The following SESN3 variants were observed in gnomAD, a reference collection of about 807,000 sequenced individuals.
SESN3 encodes sestrin-3.
SESN3 carries 21 observed loss-of-function variants against 55.3 expected under a neutral mutation model. The observed-to-expected ratio is 0.38, with a 90% CI of 0.27 to 0.55. The LOEUF (loss-of-function observed/expected upper bound fraction) is 0.55, where lower values mean the gene tolerates loss of function less well. Ranked by LOEUF, SESN3 falls within the 20% of genes least tolerant of loss-of-function variation. The pLI is 0.76. For synonymous variants in SESN3, 181 were observed against 203.1 expected (o/e 0.89, Z 0.93); for missense variants, 408 against 604.3 (o/e 0.68, Z 3.41).
At chr11:95,220,688 C>T (rs1257338708) in intron 1 of SESN3, among the ~76,000 whole-genome samples, 6 of 150,504 alleles carry the variant, frequency 4.0e-5, no homozygotes, top group Non-Finnish European at 7.4e-5. Flanking sequence ...GTTTTATTTA[C>T]ACTTTATAAC....
intron 6 of SESN3, among the ~76,000 whole-genome samples, chr11:95,181,184 T>C (rs1860052411): frequency 6.6e-6 from 1 of 152,080 alleles, no homozygotes; most frequent in Non-Finnish European, 1.5e-5. Context: ...TATTACATAG[T>C]TGGTTCTTTA....
chr11:95,216,495 A>G (rs1860759162), intron 1 of SESN3, among the ~76,000 whole-genome samples: 1 of 152,224 alleles, frequency 6.6e-6, no homozygotes, highest in South Asian at 2.1e-4. Context: ...CTCTAAAATG[A>G]AAAATGAAAT....
intron 4 of SESN3, among the ~76,000 whole-genome samples, chr11:95,186,194 C>CTGTG (rs35466696): frequency 0.013 from 1,378 of 107,606 alleles, 30 homozygotes; most frequent in South Asian, 0.024. Context: ...CTATCTCTCA[C>CTGTG]TGTGTGTGTG....
chr11:95,216,021 T>C (rs960961488), intron 1 of SESN3, among the ~76,000 whole-genome samples: 1 of 145,616 alleles, frequency 6.9e-6, no homozygotes, highest in Non-Finnish European at 1.5e-5. Flanking sequence ...TGGCGTGAAC[T>C]CGGGAGGCGG....
rs577376315 is a variant in SESN3, at chr11:95,177,601, G to T, written c.1247+118C>A. 1.6e-5 allele frequency: 10 copies of T among 620,888 alleles called. No individual in the cohort carries two copies. In the African/African-American group the frequency reaches 2.0e-4, roughly 12 times the overall value. 38.5% of individuals were successfully genotyped at this position (620,888 alleles called of 1,614,324 possible). Reference sequence around the variant, plus strand: ...AAAATGAAATTAATTTTTAAAATCAGAAGTCTACATGTAATATTTTCTTCC... The same window carrying T: ...AAAATGAAATTAATTTTTAAAATCATAAGTCTACATGTAATATTTTCTTCC... On this transcript the variant is annotated intron_variant, in intron 8 of 9. Coordinates refer to ENST00000536441, the MANE Select transcript of SESN3 (RefSeq NM_144665.4).
chr11:95,184,775 GA>G (rs1379835691), intron 5 of SESN3, among the ~76,000 whole-genome samples, 181 bp from the exon 6 acceptor site: 6 of 151,778 alleles, frequency 4.0e-5, no homozygotes, highest in Admixed American at 3.9e-4. Flanking sequence ...TCAGAAGTAT[GA>G]TTTTTTTTTT....
At chr11:95,179,898 T>C (rs1049434708) in intron 6 of SESN3, among the ~76,000 whole-genome samples, 7 of 152,184 alleles carry the variant, frequency 4.6e-5, no homozygotes, top group African/African-American at 1.7e-4. Flanking sequence ...AAAACTGATT[T>C]CTGCATACTT....
rs1346383607 is a variant in SESN3, at chr11:95,170,462, A to G, written c.*2793T>C. ...ACACTTGCACATTTAAGTTTGGCAC[A>G]ATGTGAGCGCAAGGTGTAGATCAGC... On this transcript the variant is annotated 3_prime_UTR_variant, in exon 10 of 10. Coordinates refer to ENST00000536441, the MANE Select transcript of SESN3 (RefSeq NM_144665.4). 6.6e-6 allele frequency: 1 copy of G among 152,202 alleles called. No individual in the cohort carries two copies. Among genetic ancestry groups the G allele is most frequent in the African/African-American group, 2.4e-5 (1 of 41,468 alleles). 9.4% of individuals were successfully genotyped at this position (152,202 alleles called of 1,614,324 possible).
chr11:95,230,467 C>T lies in SESN3; in HGVS notation c.78+316G>A. On this transcript the variant is annotated intron_variant, in intron 1 of 9. Transcript: ENST00000536441. The surrounding 1 kb of genome is among the most constrained non-coding windows in gnomAD (Gnocchi z 4.6). ...GATCGAACGGATCCCTCCCGCCCTC[C>T]GCCCAAGGAGCCGACCCGGGGTAGC... 1 of 328,204 alleles carries T rather than the reference C, an allele frequency of 3.0e-6. No individual in the cohort carries two copies. Among genetic ancestry groups the T allele is most frequent in the South Asian group, 3.1e-5 (1 of 31,764 alleles). 20.3% of individuals were successfully genotyped at this position (328,204 alleles called of 1,614,324 possible).
rs1055352427 is a variant in SESN3 at position 95,174,795 on chromosome 11, G to A, written c.1392+703C>T. Among the ~76,000 whole-genome samples, 3 of 151,892 alleles carry A rather than the reference G, an allele frequency of 2.0e-5. No individual in the cohort carries two copies. In the East Asian group the frequency reaches 5.8e-4, roughly 29 times the overall value. On this transcript the variant is annotated intron_variant, in intron 9 of 9. Coordinates refer to ENST00000536441, the MANE Select transcript of SESN3 (RefSeq NM_144665.4). ...AGCCACTGCACCCAGCCACTATCTG[G>A]GTTTTTAAAATATTTTTTTAATTCA...
intron 1 of SESN3, among the ~76,000 whole-genome samples, chr11:95,229,994 A>G (rs1230527226): frequency 1.3e-5 from 2 of 152,110 alleles, no homozygotes; most frequent in Non-Finnish European, 2.9e-5. Flanking sequence ...GGGGCGATTA[A>G]GCCAAGTAAG....
chr11:95,179,674 G>A (rs147262033), intron 6 of SESN3, among the ~76,000 whole-genome samples: 1 of 152,204 alleles, frequency 6.6e-6, no homozygotes, highest in Non-Finnish European at 1.5e-5. Flanking sequence ...TTTTGATGTC[G>A]TTATCATTAT....
At chr11:95,197,364 C>T (rs1860379898) in intron 1 of SESN3, among the ~76,000 whole-genome samples, 1 of 151,956 alleles carries the variant, frequency 6.6e-6, no homozygotes. Flanking sequence ...CTATGTAATC[C>T]CCTGCTTTCT....
rs1282369690 is a variant in SESN3, at chr11:95,230,539, A to G, written c.78+244T>C. ...AAGGAGAGCAAAGGCACCAAATAAA[A>G]GGAACAAGGGAAGAAAAAATATCCC... On this transcript the variant is annotated intron_variant, in intron 1 of 9. Coordinates refer to ENST00000536441, the MANE Select transcript of SESN3 (RefSeq NM_144665.4). The surrounding 1 kb of genome is among the most constrained non-coding windows in gnomAD (Gnocchi z 4.6). 2 of 497,342 alleles carry G rather than the reference A, an allele frequency of 4.0e-6. No individual in the cohort carries two copies. The highest frequency in any genetic ancestry group is 7.1e-6 in the Non-Finnish European group (2 of 281,752). The allele number at this position is 497,342 out of a possible 1,614,324, so 30.8% of individuals were successfully genotyped here. A position where few individuals can be genotyped will look rare whatever the true frequency, so the allele number is the denominator to read the frequency against.
intron 1 of SESN3, among the ~76,000 whole-genome samples, chr11:95,198,251 G>T (rs1441253910): frequency 6.6e-6 from 1 of 151,770 alleles, no homozygotes; most frequent in Non-Finnish European, 1.5e-5. Flanking sequence ...CCCCATTGTT[G>T]GGAAGCTTTG....
In SESN3 at chr11:95,178,846, C is replaced by T; in HGVS notation, c.938-18G>A. 1 of 1,386,298 alleles carries T rather than the reference C, an allele frequency of 7.2e-7. No homozygotes were observed. Among genetic ancestry groups the T allele is most frequent in the Non-Finnish European group, 1.0e-6 (1 of 973,238 alleles). The allele number at this position is 1,386,298 out of a possible 1,614,324, so 85.9% of individuals were successfully genotyped here. A position where few individuals can be genotyped will look rare whatever the true frequency, so the allele number is the denominator to read the frequency against. ...CTCAAAATCTAAGGACAATAATGAACAATCTAGTGTTAAGGATACTGTACG... is the reference window on the plus strand; with the variant it reads ...CTCAAAATCTAAGGACAATAATGAATAATCTAGTGTTAAGGATACTGTACG... On this transcript the variant is annotated intron_variant, in intron 6 of 9. Transcript: ENST00000536441.
In SESN3 at chr11:95,193,498, G is replaced by A. The variant is rs766165520; in HGVS notation, c.103C>T (p.Pro35Ser). 1.0e-4 allele frequency: 166 copies of A among 1,593,968 alleles called. No individual in the cohort carries two copies. The highest frequency in any genetic ancestry group is 1.3e-4 in the Non-Finnish European group (149 of 1,163,200). ...RKDKRIRVSQ[P>S]LTRGPSAFIP... ...AAGGCACTTGGTCCTCTTGTCAAGG[G>A]TTGAGACACTCTGATTCTTTTATCC... Residue 35 changes from proline to serine, a missense_variant, in exon 2 of 10, where the codon CCC becomes TCC. Transcript: ENST00000536441.
At position 95,230,599 on chromosome 11, in the gene SESN3, T is replaced by A. The variant is rs1861037871; in HGVS notation, c.78+184A>T. ...AGACTTGGGTCTGTCCCGGCGGAAA[T>A]AAAAAGCCGCAGTAGTCCAAACCCT... On this transcript the variant is annotated intron_variant, in intron 1 of 9. Transcript: ENST00000536441. This position sits in a 1 kb window ranked among gnomAD's most constrained non-coding sequence, Gnocchi z 4.6. The A allele has an allele frequency of 1.8e-6, 1 of 547,534 alleles. No individual in the cohort carries two copies. The highest frequency in any genetic ancestry group is 3.7e-5 in the Admixed American group (1 of 27,102). 33.9% of individuals were successfully genotyped at this position (547,534 alleles called of 1,614,324 possible). A position where few individuals can be genotyped will look rare whatever the true frequency, so the allele number is the denominator to read the frequency against.
In SESN3 at chr11:95,166,088, T is replaced by C. The variant is rs75437674; in HGVS notation, c.*7167A>G. On this transcript the variant is annotated 3_prime_UTR_variant, in exon 10 of 10. Coordinates refer to ENST00000536441, the MANE Select transcript of SESN3 (RefSeq NM_144665.4). ...TTTATTAAGTTTGCTATTTTCAGAA[T>C]TGAAACTATAAGACCGCCATTTGAC... The C allele has an allele frequency of 6.6e-6, 1 of 152,148 alleles. No individual in the cohort carries two copies. The highest frequency in any genetic ancestry group is 1.5e-5 in the Non-Finnish European group (1 of 68,008). 9.4% of individuals were successfully genotyped at this position (152,148 alleles called of 1,614,324 possible).
Sources: allele counts gnomAD v4.1 joint callset (sites outside exome capture counted in the v4.1 genomes callset), GRCh38; gene constraint gnomAD v4.1.1; non-coding constraint Gnocchi (gnomAD v3.1); transcripts MANE v1.5; gene names NCBI Gene and HGNC (gene_info 2026-07-23, HGNC 2026-07-21).